CRY2: variants seen among roughly 807,000 people sequenced by gnomAD.
CRY2 encodes cryptochrome circadian regulator 2.
Under a neutral mutation model 69.5 loss-of-function variants are expected in CRY2, and 31 were observed. The observed-to-expected ratio is 0.45, with a 90% CI of 0.34 to 0.60. The LOEUF (loss-of-function observed/expected upper bound fraction) is 0.60, where lower values mean the gene tolerates loss of function less well. CRY2 is among the 20% of genes least tolerant of loss of function. CRY2 has a pLI of 0.02. For synonymous variants in CRY2, 303 were observed against 312.2 expected, an observed-to-expected ratio of 0.97 and a Z score of 0.31; for missense variants, 606 against 797.8, an observed-to-expected ratio of 0.76 and a Z score of 2.90.
chr11:45,882,314 A>C lies in CRY2; in HGVS notation c.*1403A>C, dbSNP rs981942921. 5 of 264,390 alleles carry C rather than the reference A, an allele frequency of 1.9e-5. No homozygotes were observed. In the South Asian group the frequency reaches 8.7e-4, roughly 46 times the overall value. 16.4% of individuals were successfully genotyped at this position (264,390 alleles called of 1,614,324 possible). On this transcript the variant is annotated 3_prime_UTR_variant, in exon 12 of 12. Coordinates refer to ENST00000616080, the MANE Select transcript of CRY2 (RefSeq NM_021117.5). ...GTACGTGTGTGTGTGTGTGGCTATG[A>C]GGCTGATTCCTGTTTGGATTTTTGT...
chr11:45,872,983 C>T (rs1052642149), intron 11 of CRY2, among the ~76,000 whole-genome samples: 5 of 152,200 alleles, frequency 3.3e-5, no homozygotes, highest in Admixed American at 2.6e-4. Context: ...CCAGTAGACC[C>T]AGTCTGTCAT....
chr11:45,867,836 T>TGGTG, intron 6 of CRY2, 84 bp downstream of exon 6: 7 of 1,581,566 alleles, frequency 4.4e-6, no homozygotes, highest in Admixed American at 1.7e-5. Context: ...AAAAAGGCAC[T>TGGTG]GGTGGGTGGG....
rs753444247 is a variant in CRY2, at chr11:45,869,706, C to T, written c.1083C>T (p.Ala361=). The change falls in exon 7 of 12, where the codon GCC becomes GCT. Residue 361 remains alanine, a synonymous_variant. Coordinates refer to ENST00000616080, the MANE Select transcript of CRY2 (RefSeq NM_021117.5). ...EGKTGFPWID[A]IMTQLRQEGW... is the part of the protein sequence containing the mutation. The stretch of plus-strand genomic sequence containing the variant: ...AGACAGGCTTCCCTTGGATTGATGC[C>T]ATCATGACCCAACTGAGGCAGGAGG... 1 of 1,614,206 alleles carries T rather than the reference C, an allele frequency of 6.2e-7. No individual in the cohort carries two copies. Among genetic ancestry groups the T allele is most frequent in the Admixed American group, 1.7e-5 (1 of 60,036 alleles).
Position 45,870,096 on chromosome 11 carries a change from C to T in CRY2, c.1238C>T (p.Ala413Val). ...LLLDADFSVN[A>V]GSWMWLSCSA... ...CTGGATGCAGATTTCAGCGTGAACGCAGGCAGCTGGATGTGGCTGTCCTGC... is the reference window on the plus strand; with the variant it reads ...CTGGATGCAGATTTCAGCGTGAACGTAGGCAGCTGGATGTGGCTGTCCTGC... The change falls in exon 8 of 12, where the codon GCA becomes GTA. Residue 413 changes from alanine to valine, a missense_variant. Coordinates refer to ENST00000616080, the MANE Select transcript of CRY2 (RefSeq NM_021117.5). 6.2e-7 allele frequency: 1 copy of T among 1,612,576 alleles called. No homozygotes were observed. The highest frequency in any genetic ancestry group is 8.5e-7 in the Non-Finnish European group (1 of 1,179,094).
At chr11:45,850,304 G>A (rs550658696) in intron 1 of CRY2, among the ~76,000 whole-genome samples, 52 of 152,194 alleles carry the variant, frequency 3.4e-4, no homozygotes, top group African/African-American at 1.2e-3. Context: ...CACTGTGCCC[G>A]GCCTTGGGCA....
chr11:45,851,289 C>T (rs1187966018), intron 1 of CRY2, among the ~76,000 whole-genome samples: 2 of 152,204 alleles, frequency 1.3e-5, no homozygotes, highest in Non-Finnish European at 2.9e-5. Flanking sequence ...CTCTGTGCTG[C>T]GCCTCTTTCA....
At chr11:45,870,715 C>T (rs1241671632) in intron 9 of CRY2, 127 bp from the exon 10 acceptor site, 2 of 1,090,724 alleles carry the variant, frequency 1.8e-6, no homozygotes, top group Non-Finnish European at 2.7e-6. Flanking sequence ...AGTTGTGGGG[C>T]TGTGGGAGGA....
rs2086388407 is a variant in CRY2 at position 45,872,128 on chromosome 11, A to C, written c.1679A>C (p.Lys560Thr). Residue 560 changes from lysine (K) to threonine (T), a missense_variant, in exon 11 of 12, where the codon AAA becomes ACA. Lys to Thr is a moderately conservative substitution (Grantham distance 78, BLOSUM62 -1). Coordinates refer to ENST00000616080, the MANE Select transcript of CRY2 (RefSeq NM_021117.5). ...CTACCCAGTGGCCCAGCATCCCCCA[A>C]ACGCAAGCTGGAAGCAGCCGAGGAA... ...RPLPSGPASP[K>T]RKLEAAEEPP... 1 of 1,614,004 alleles carries C rather than the reference A, an allele frequency of 6.2e-7. No homozygotes were observed. The highest frequency in any genetic ancestry group is 1.7e-5 in the Admixed American group (1 of 60,004).
rs367724794 is a variant in CRY2, at chr11:45,870,524, G to A, written c.1541G>A (p.Arg514Gln). The change falls in exon 9 of 12, where the codon CGG becomes CAG. Residue 514 changes from arginine (R) to glutamine (Q), a missense_variant. Physicochemically the swap from Arg to Gln is conservative, Grantham distance 43. Around this residue, in one of 5 missense-constraint regions of CRY2, gnomAD observed 173 missense variants for 213.7 expected, o/e 0.81. Coordinates refer to ENST00000616080, the MANE Select transcript of CRY2 (RefSeq NM_021117.5). Reference protein sequence around the residue: ...KQIYQQLSRYRGLCLLASVPS... With the variant: ...KQIYQQLSRYQGLCLLASVPS... Reference sequence around the variant, plus strand: ...ATTTACCAGCAGCTTTCGCGCTACCGGGGACTCTGTAAGGAGACAAACACC... The same window carrying A: ...ATTTACCAGCAGCTTTCGCGCTACCAGGGACTCTGTAAGGAGACAAACACC... The A allele has an allele frequency of 1.3e-4, 204 of 1,613,736 alleles. No homozygotes were observed. Among genetic ancestry groups the A allele is most frequent in the African/African-American group, 2.3e-4 (17 of 74,900 alleles).
chr11:45,847,239 C>T, upstream of CRY2: 1 of 1,551,202 alleles, frequency 6.4e-7, no homozygotes, highest in Non-Finnish European at 8.7e-7. Context: ...CAGCCTGCGT[C>T]ACTTGTCCGC....
chr11:45,860,612 C>T (rs1303391320), intron 3 of CRY2, among the ~76,000 whole-genome samples: 1 of 152,040 alleles, frequency 6.6e-6, no homozygotes, highest in Non-Finnish European at 1.5e-5. Flanking sequence ...CAGCTCTGGC[C>T]CTGCCTTGCT....
chr11:45,868,928 G>A (rs994216887), intron 6 of CRY2, among the ~76,000 whole-genome samples: 1 of 152,172 alleles, frequency 6.6e-6, no homozygotes, highest in Non-Finnish European at 1.5e-5. Flanking sequence ...ACACCTGGCT[G>A]TATCTAGGTT....
intron 7 of CRY2, 59 bp from the exon 8 acceptor site, chr11:45,869,994 T>G: frequency 6.5e-7 from 1 of 1,541,940 alleles, no homozygotes; most frequent in Middle Eastern, 2.2e-4. Flanking sequence ...CTGTGGTGAC[T>G]TGGGAAAAAA....
In CRY2 at chr11:45,882,991, G is replaced by A; in HGVS notation, c.*2080G>A. 2.9e-6 allele frequency: 1 copy of A among 340,842 alleles called. No individual in the cohort carries two copies. The highest frequency in any genetic ancestry group is 4.4e-5 in the East Asian group (1 of 22,886). 21.1% of individuals were successfully genotyped at this position (340,842 alleles called of 1,614,324 possible). ...GTGCACTCCTGGAGCCAAGAGGGAA[G>A]GGCAGGGTAGAGAGGGTATGTCCAG... On this transcript the variant is annotated 3_prime_UTR_variant, in exon 12 of 12. Transcript: ENST00000616080.
At chr11:45,867,564 C>G (rs768289865) in intron 5 of CRY2, 48 bp from the exon 6 acceptor site, 1 of 1,605,726 alleles carries the variant, frequency 6.2e-7, no homozygotes, top group South Asian at 1.1e-5. Context: ...ATTTTTTCCT[C>G]TGTTACATCC....
chr11:45,882,940 G>T lies in CRY2; in HGVS notation c.*2029G>T. 1 of 382,914 alleles carries T rather than the reference G, an allele frequency of 2.6e-6. No homozygotes were observed. The highest frequency in any genetic ancestry group is 4.6e-6 in the Non-Finnish European group (1 of 216,546). The allele number at this position is 382,914 out of a possible 1,614,324, so 23.7% of individuals were successfully genotyped here. A position where few individuals can be genotyped will look rare whatever the true frequency, so the allele number is the denominator to read the frequency against. ...TCCCTAGCATGTCAGCCCGTTCCCA[G>T]ATCAACCTGCCAGTGGAGTCAGGCA... On this transcript the variant is annotated 3_prime_UTR_variant, in exon 12 of 12. Coordinates refer to ENST00000616080, the MANE Select transcript of CRY2 (RefSeq NM_021117.5).
rs777306074 is a variant in CRY2, at chr11:45,870,088, C to T, written c.1230C>T (p.Ser410=). 41 of 1,611,070 alleles carry T rather than the reference C, an allele frequency of 2.5e-5. No homozygotes were observed. The highest frequency in any genetic ancestry group is 3.5e-5 in the Non-Finnish European group (41 of 1,178,290). The change falls in exon 8 of 12, where the codon AGC becomes AGT. Residue 410 remains serine (S), a synonymous_variant. Transcript: ENST00000616080. The part of the protein sequence containing the change: ...FDELLLDADF[S]VNAGSWMWLS... ...AGCTGCTCCTGGATGCAGATTTCAG[C>T]GTGAACGCAGGCAGCTGGATGTGGC...
intron 11 of CRY2, among the ~76,000 whole-genome samples, chr11:45,879,618 C>CT (rs1211991334): frequency 1.3e-5 from 2 of 152,232 alleles, no homozygotes; most frequent in Non-Finnish European, 2.9e-5. Context: ...GGCTCTGCCA[C>CT]TTATGAATGC....
intron 1 of CRY2, among the ~76,000 whole-genome samples, chr11:45,855,592 C>T (rs1486298981): frequency 6.6e-6 from 1 of 152,230 alleles, no homozygotes; most frequent in Non-Finnish European, 1.5e-5. Context: ...AGAAACACCA[C>T]ACTAGGAACA....
Sources: gnomAD v4.1 joint callset for allele counts (sites outside exome capture counted in the v4.1 genomes callset) on GRCh38, gnomAD v4.1.1 for gene constraint, gnomAD v4.1.1 regional missense constraint, MANE v1.5 for transcripts, NCBI Gene and HGNC (gene_info 2026-07-23, HGNC 2026-07-21) for gene names.